Variants in SOX5 observed in about 807,000 individuals in gnomAD.
SOX5 encodes the protein SRY-box transcription factor 5.
In SOX5, 9 loss-of-function variants were observed where a neutral mutation model predicts 92.0. That is an observed-to-expected ratio of 0.10 (90% CI 0.06 to 0.17). The LOEUF is 0.17. Ranked by LOEUF, SOX5 falls within the 10% of genes least tolerant of loss-of-function variation. The pLI is 1.00. For missense variants in SOX5, 642 were observed against 944.5 expected (o/e 0.68, Z 4.20); for synonymous variants, 344 against 336.3 (o/e 1.02, Z -0.25).
intron 3 of SOX5, among the ~76,000 whole-genome samples, chr12:23,765,307 G>A (rs1287147302): frequency 3.9e-5 from 5 of 126,984 alleles, no homozygotes; most frequent in East Asian, 2.6e-4. Context: ...CACAAACTTC[G>A]ATACGATCTA....
At chr12:23,958,174 C>A (rs1194605554) in intron 4 of SOX5, among the ~76,000 whole-genome samples, 7 of 152,020 alleles carry the variant, frequency 4.6e-5, no homozygotes, top group Non-Finnish European at 2.9e-5. Context: ...AGAAACCCAA[C>A]TTCAGATTTA....
At chr12:24,190,187 G>C (rs1179481268) in intron 4 of SOX5, among the ~76,000 whole-genome samples, 3 of 152,228 alleles carry the variant, frequency 2.0e-5, no homozygotes, top group Admixed American at 1.3e-4. Flanking sequence ...ACAATAGCAA[G>C]AATTATAAAA....
chr12:24,134,053 A>T (rs569401001), intron 4 of SOX5, among the ~76,000 whole-genome samples: 1 of 152,270 alleles, frequency 6.6e-6, no homozygotes, highest in South Asian at 2.1e-4. Flanking sequence ...GTGAATTCTA[A>T]AATGATGAGG....
chr12:24,307,083 A>G (rs943317327), intron 2 of SOX5, among the ~76,000 whole-genome samples: 3 of 152,126 alleles, frequency 2.0e-5, no homozygotes, highest in African/African-American at 7.2e-5. Flanking sequence ...AATTACCAAA[A>G]AAAAATTAGC....
Position 24,283,630 on chromosome 12 carries a change from T to G in SOX5, c.-173-6318A>C, listed in dbSNP as rs75557934. Among the ~76,000 whole-genome samples, 1,360 of 152,278 alleles carry G rather than the reference T, an allele frequency of 8.9e-3. 28 individuals carry two copies. Among genetic ancestry groups the G allele is most frequent in the African/African-American group, 0.031 (1,286 of 41,538 alleles). On this transcript the variant is annotated intron_variant, in intron 2 of 4. Coordinates refer to the SOX5 transcript ENST00000446891. ...AACCTACTCTTTAATACAAAATCAG[T>G]ATAAAGATGCATTCCAACACGATAG...
intron 2 of SOX5, among the ~76,000 whole-genome samples, chr12:24,359,969 T>A (rs1359979730): frequency 2.0e-5 from 3 of 151,996 alleles, no homozygotes; most frequent in African/African-American, 7.3e-5. Context: ...ATGAAGAGGA[T>A]TAGTGGAATT....
In SOX5 at chr12:23,604,136, T is replaced by A. The variant is rs2074931804; in HGVS notation, c.1164+251A>T. 1.0e-5 allele frequency: 4 copies of A among 391,900 alleles called. No individual in the cohort carries two copies. In the South Asian group the frequency reaches 1.7e-4, roughly 16 times the overall value. The allele number at this position is 391,900 out of a possible 1,614,324, so 24.3% of individuals were successfully genotyped here. A position where few individuals can be genotyped will look rare whatever the true frequency, so the allele number is the denominator to read the frequency against. On this transcript the variant is annotated intron_variant, in intron 9 of 14. Coordinates refer to ENST00000451604, the MANE Select transcript of SOX5 (RefSeq NM_006940.6). ...AAGCTCCTTGGGTACAAGATACCCA[T>A]CTGATAATCTTTTTTATCTCTCACA...
At chr12:24,427,744 T>C (rs1028034285) in intron 1 of SOX5, among the ~76,000 whole-genome samples, 1 of 152,156 alleles carries the variant, frequency 6.6e-6, no homozygotes, top group Non-Finnish European at 1.5e-5. Context: ...TGTGAATGTG[T>C]GTAACAGTAA....
In SOX5 at chr12:23,990,533, ATCGCAT is replaced by A. The variant is rs575764496; in HGVS notation, c.-1-94515_-1-94510del. The stretch of plus-strand genomic sequence containing the variant: ...AACTACGATGTATTTTGAAAACTGC[ATCGCAT>A]TCTCTGTGAAACCTTCTCTAGTTTT... On this transcript the variant is annotated intron_variant, in intron 4 of 4. Coordinates refer to the SOX5 transcript ENST00000446891. 3.2e-3 allele frequency among the ~76,000 whole-genome samples: 489 copies of A among 152,300 alleles called. 1 individual carries two copies. Among genetic ancestry groups the A allele is most frequent in the Non-Finnish European group, 4.8e-3 (325 of 68,014 alleles).
intron 8 of SOX5, among the ~76,000 whole-genome samples, chr12:23,621,538 T>A (rs969965174): frequency 7.2e-5 from 11 of 152,138 alleles, no homozygotes; most frequent in African/African-American, 2.7e-4. Flanking sequence ...TAGGCTTTAT[T>A]TCTCTACAAC....
intron 3 of SOX5, among the ~76,000 whole-genome samples, chr12:23,825,940 C>G (rs1245998763): frequency 6.6e-6 from 1 of 152,098 alleles, no homozygotes; most frequent in African/African-American, 2.4e-5. Flanking sequence ...TCTTTATTAA[C>G]TCCTAATTGT....
chr12:23,761,454 A>G (rs2094560521), intron 3 of SOX5, among the ~76,000 whole-genome samples: 4 of 152,130 alleles, frequency 2.6e-5, no homozygotes, highest in Admixed American at 2.0e-4. Context: ...AAAATATTTG[A>G]CCAAGGAAAT....
intron 3 of SOX5, among the ~76,000 whole-genome samples, chr12:23,800,759 A>G (rs891549082): frequency 6.6e-6 from 1 of 152,194 alleles, no homozygotes; most frequent in African/African-American, 2.4e-5. Flanking sequence ...CAGGTCCGAA[A>G]GAAGGTATAT....
intron 4 of SOX5, 46 bp from the exon 5 acceptor site, chr12:23,741,085 G>A: frequency 6.9e-7 from 1 of 1,445,428 alleles, no homozygotes; most frequent in Non-Finnish European, 9.3e-7. Flanking sequence ...ATGAAAAAAA[G>A]TAATTATTTC....
intron 9 of SOX5, among the ~76,000 whole-genome samples, chr12:23,586,144 GTA>G (rs1478571368): frequency 6.6e-6 from 1 of 152,038 alleles, no homozygotes; most frequent in African/African-American, 2.4e-5. Context: ...CACTCCGTGT[GTA>G]TGTGTCTGCA....
chr12:24,295,941 G>T (rs1035421290), intron 2 of SOX5, among the ~76,000 whole-genome samples: 2 of 152,128 alleles, frequency 1.3e-5, no homozygotes, highest in East Asian at 3.9e-4. Context: ...ATCAGGACCT[G>T]TGTGCGGTAT....
chr12:23,978,533 C>T (rs1436015238), intron 4 of SOX5, among the ~76,000 whole-genome samples: 2 of 152,146 alleles, frequency 1.3e-5, no homozygotes, highest in Non-Finnish European at 2.9e-5. Flanking sequence ...GTTCAATGCA[C>T]CTTATAATCA....
intron 4 of SOX5, among the ~76,000 whole-genome samples, chr12:24,158,315 T>A (rs1374193870): frequency 6.6e-6 from 1 of 152,020 alleles, no homozygotes; most frequent in East Asian, 1.9e-4. Context: ...ATTAGTACTA[T>A]ATTTTAAAAT....
At chr12:24,531,344 T>A (rs1390675486) in intron 1 of SOX5, among the ~76,000 whole-genome samples, 1 of 152,150 alleles carries the variant, frequency 6.6e-6, no homozygotes, top group Non-Finnish European at 1.5e-5. Context: ...AGCTCAGAAT[T>A]AATGGTTTTG....
Sources: allele counts gnomAD v4.1 joint callset (sites outside exome capture counted in the v4.1 genomes callset), GRCh38; gene constraint gnomAD v4.1.1; transcripts MANE v1.5; gene names NCBI Gene and HGNC (gene_info 2026-07-23, HGNC 2026-07-21).